MAML3: variants seen among roughly 807,000 people sequenced by gnomAD.
MAML3 encodes the protein mastermind like transcriptional coactivator 3, also known as mastermind-like protein 3.
In MAML3, 27 loss-of-function variants were observed where a neutral mutation model predicts 101.9. That is an observed-to-expected ratio of 0.27 (90% CI 0.20 to 0.37). MAML3 has a LOEUF of 0.37. Ranked by LOEUF, MAML3 falls within the 10% of genes least tolerant of loss-of-function variation. The probability of loss-of-function intolerance (pLI) is 1.00; values close to 1 mark genes in which losing one functional copy is unlikely to be tolerated. For synonymous variants in MAML3, 501 were observed against 555.9 expected (o/e 0.90, Z 1.39); for missense variants, 1,316 against 1,444.9 (o/e 0.91, Z 1.45).
rs533324606 is a variant in MAML3, at chr4:140,052,823, C to A, written c.468+100037G>T. Among the ~76,000 whole-genome samples, 261 of 152,250 alleles carry A rather than the reference C, an allele frequency of 1.7e-3. 2 individuals carry two copies. The highest frequency in any genetic ancestry group is 2.4e-3 in the Non-Finnish European group (165 of 68,012). On this transcript the variant is annotated intron_variant, in intron 1 of 4. Coordinates refer to ENST00000509479, the MANE Select transcript of MAML3 (RefSeq NM_018717.5). ...GTCTTGGGATTACAGGCGTAAGCCA[C>A]CGTGCCTGGCAAAAAAACCCATATA...
intron 1 of MAML3, among the ~76,000 whole-genome samples, chr4:139,926,072 G>A (rs1284503336): frequency 1.3e-5 from 2 of 152,174 alleles, no homozygotes; most frequent in Non-Finnish European, 2.9e-5. Flanking sequence ...GATTCAGACA[G>A]AGCTGTATCA....
intron 1 of MAML3, among the ~76,000 whole-genome samples, chr4:140,124,739 G>A (rs1198883096): frequency 6.6e-6 from 1 of 152,202 alleles, no homozygotes; most frequent in African/African-American, 2.4e-5. Context: ...CTCCTTTGCA[G>A]TCCTTTAGCT....
chr4:139,753,341 AATCTATCTATCTATCTATCTATCT>A (rs35975255), intron 2 of MAML3, among the ~76,000 whole-genome samples: 1 of 146,578 alleles, frequency 6.8e-6, no homozygotes, highest in Non-Finnish European at 1.5e-5. Flanking sequence ...TTTTCTTTTT[AATCTATCTATCTATCTATCTATCT>A]ATCTATCTAT....
intron 2 of MAML3, among the ~76,000 whole-genome samples, chr4:139,792,611 G>A (rs1730433655): frequency 6.6e-6 from 1 of 152,176 alleles, no homozygotes; most frequent in African/African-American, 2.4e-5. Flanking sequence ...CAAATGGAAT[G>A]TACAAAGTGT....
chr4:140,085,555 G>A (rs555698343), intron 1 of MAML3, among the ~76,000 whole-genome samples: 5 of 151,814 alleles, frequency 3.3e-5, no homozygotes, highest in South Asian at 2.1e-4. Context: ...CACTCGCTAC[G>A]AACTCCATTC....
intron 1 of MAML3, among the ~76,000 whole-genome samples, chr4:139,983,736 G>A (rs1384741226): frequency 1.3e-5 from 2 of 152,176 alleles, no homozygotes. Context: ...TATTAGAGGA[G>A]GGTGAAGATG....
intron 1 of MAML3, among the ~76,000 whole-genome samples, chr4:139,972,314 G>T (rs1367127011): frequency 2.6e-5 from 4 of 152,126 alleles, no homozygotes; most frequent in African/African-American, 9.7e-5. Flanking sequence ...GCCACATTGG[G>T]CAACATTTCT....
intron 1 of MAML3, among the ~76,000 whole-genome samples, chr4:139,970,181 T>A (rs1039699179): frequency 1.3e-5 from 2 of 152,144 alleles, no homozygotes; most frequent in African/African-American, 4.8e-5. Flanking sequence ...GTTGTGGAAA[T>A]GCAAGGAATC....
intron 2 of MAML3, among the ~76,000 whole-genome samples, chr4:139,751,486 C>CATTTTGACTGT (rs2111040843): frequency 1.3e-5 from 2 of 152,314 alleles, no homozygotes; most frequent in Non-Finnish European, 2.9e-5. Context: ...GTTTTGACTG[C>CATTTTGACTGT]ATTTTGACTG....
intron 1 of MAML3, among the ~76,000 whole-genome samples, chr4:140,045,764 A>G (rs924935087): frequency 6.6e-6 from 1 of 152,218 alleles, no homozygotes; most frequent in Non-Finnish European, 1.5e-5. Context: ...GCCCTTGGAA[A>G]GGGGTCTCGA....
chr4:139,824,021 C>A (rs920866792), intron 2 of MAML3, among the ~76,000 whole-genome samples: 3 of 152,106 alleles, frequency 2.0e-5, no homozygotes, highest in Non-Finnish European at 2.9e-5. Context: ...ACAAAGCAAT[C>A]ACTACCACTT....
At chr4:139,910,234 G>A (rs1047730737) in intron 1 of MAML3, among the ~76,000 whole-genome samples, 19 of 152,222 alleles carry the variant, frequency 1.2e-4, no homozygotes, top group South Asian at 6.2e-4. Context: ...CCAAATTATC[G>A]GCCAGTCCCC....
At chr4:140,008,861 T>C (rs1726500454) in intron 1 of MAML3, among the ~76,000 whole-genome samples, 1 of 152,214 alleles carries the variant, frequency 6.6e-6, no homozygotes, top group South Asian at 2.1e-4. Flanking sequence ...GGGATGTGGA[T>C]CCATGTGTAT....
chr4:139,876,559 C>T (rs1732119009), intron 2 of MAML3, among the ~76,000 whole-genome samples: 1 of 152,236 alleles, frequency 6.6e-6, no homozygotes, highest in South Asian at 2.1e-4. Context: ...TATTCGCAGG[C>T]TTTGAAGTAC....
chr4:140,064,646 T>G (rs972725352), intron 1 of MAML3, among the ~76,000 whole-genome samples: 1 of 152,206 alleles, frequency 6.6e-6, no homozygotes, highest in African/African-American at 2.4e-5. Flanking sequence ...GAGTCCCTTT[T>G]GACTCTGCTG....
chr4:139,929,368 G>A (rs962859378), intron 1 of MAML3, among the ~76,000 whole-genome samples: 9 of 152,154 alleles, frequency 5.9e-5, no homozygotes, highest in African/African-American at 1.7e-4. Flanking sequence ...ACCACACAGC[G>A]GTATTTTCTT....
intron 1 of MAML3, among the ~76,000 whole-genome samples, chr4:140,123,090 C>T (rs983950108): frequency 6.8e-4 from 78 of 115,328 alleles, no homozygotes; most frequent in African/African-American, 2.2e-3. Flanking sequence ...TAAAGCTCTG[C>T]GGTTTTTTTT....
chr4:139,894,150 C>G (rs911112471), intron 1 of MAML3, among the ~76,000 whole-genome samples: 1 of 152,264 alleles, frequency 6.6e-6, no homozygotes, highest in South Asian at 2.1e-4. Flanking sequence ...AACTAATGTG[C>G]AGATGCGGTA....
At chr4:140,019,113 C>T (rs765860192) in intron 1 of MAML3, among the ~76,000 whole-genome samples, 1 of 146,064 alleles carries the variant, frequency 6.8e-6, no homozygotes, top group Non-Finnish European at 1.5e-5. Flanking sequence ...TAACTCTGCC[C>T]TCCGCCCACA....
Sources: allele counts gnomAD v4.1 joint callset (sites outside exome capture counted in the v4.1 genomes callset), GRCh38; gene constraint gnomAD v4.1.1; transcripts MANE v1.5; gene names NCBI Gene and HGNC (gene_info 2026-07-23, HGNC 2026-07-21).